The following SLC14A2 variants were observed in gnomAD, a reference collection of about 807,000 sequenced individuals.
The protein encoded by SLC14A2 is urea transporter 2.
Under a neutral mutation model 104.6 loss-of-function variants are expected in SLC14A2, and 91 were observed. The observed-to-expected ratio is 0.87, with a 90% confidence interval of 0.73 to 1.04. SLC14A2 has a LOEUF of 1.04. Among genes scored for constraint, SLC14A2 ranks in the 50% least tolerant of loss-of-function variants. The probability of loss-of-function intolerance (pLI) is 0.00; values close to 1 mark genes in which losing one functional copy is unlikely to be tolerated. For missense variants in SLC14A2, 1,189 were observed against 1,156.0 expected (o/e 1.03, Z -0.41); for synonymous variants, 476 against 466.4 (o/e 1.02, Z -0.27).
At chr18:45,233,521 C>A (rs910347840) in intron 1 of SLC14A2, among the ~76,000 whole-genome samples, 1 of 152,046 alleles carries the variant, frequency 6.6e-6, no homozygotes, top group African/African-American at 2.4e-5. Context: ...TGGTCTTGCC[C>A]GGGCTCCCTC....
At chr18:45,600,569 A>G (rs1331573016) in intron 2 of SLC14A2, among the ~76,000 whole-genome samples, 1 of 152,176 alleles carries the variant, frequency 6.6e-6, no homozygotes, top group Non-Finnish European at 1.5e-5. Flanking sequence ...TGCAAGGTAC[A>G]TGCACTCAAC....
At chr18:45,659,742 C>T (rs927814602) in intron 10 of SLC14A2, among the ~76,000 whole-genome samples, 4 of 152,178 alleles carry the variant, frequency 2.6e-5, no homozygotes, top group Non-Finnish European at 4.4e-5. Context: ...GTCTATCAAA[C>T]ATTTAACATT....
intron 1 of SLC14A2, among the ~76,000 whole-genome samples, chr18:45,392,673 A>T (rs184828992): frequency 1.1e-4 from 16 of 152,344 alleles, no homozygotes; most frequent in Admixed American, 7.2e-4. Context: ...TAGTGCAAAA[A>T]TATGTCATTT....
At chr18:45,496,039 A>G (rs2043091470) in intron 2 of SLC14A2, among the ~76,000 whole-genome samples, 1 of 152,210 alleles carries the variant, frequency 6.6e-6, no homozygotes, top group African/African-American at 2.4e-5. Flanking sequence ...CATGCCTATT[A>G]ATGTGATAAT....
intron 1 of SLC14A2, among the ~76,000 whole-genome samples, chr18:45,352,949 A>T (rs75949803): frequency 2.0e-5 from 3 of 152,202 alleles, no homozygotes; most frequent in African/African-American, 7.2e-5. Context: ...AAATTTATAG[A>T]CAAATAAAAA....
At chr18:45,522,078 A>C (rs1368602381) in intron 2 of SLC14A2, among the ~76,000 whole-genome samples, 1 of 152,208 alleles carries the variant, frequency 6.6e-6, no homozygotes, top group Non-Finnish European at 1.5e-5. Context: ...AGTCTAAGGC[A>C]GTTATGTGCC....
chr18:45,352,254 G>A (rs1039137337), intron 1 of SLC14A2, among the ~76,000 whole-genome samples: 4 of 152,098 alleles, frequency 2.6e-5, no homozygotes, highest in African/African-American at 9.7e-5. Context: ...CCATGGAGAA[G>A]GGGCTTCTGG....
At chr18:45,319,507 A>G (rs1289448978) in intron 1 of SLC14A2, among the ~76,000 whole-genome samples, 1 of 152,198 alleles carries the variant, frequency 6.6e-6, no homozygotes, top group Non-Finnish European at 1.5e-5. Flanking sequence ...TGTGTGCACC[A>G]TCCAGTAGGC....
At chr18:45,650,913 A>AT (rs11430420) in intron 10 of SLC14A2, among the ~76,000 whole-genome samples, 151,899 of 151,918 alleles carry the variant, frequency 1, 75,940 homozygotes, top group Middle Eastern at 1. Flanking sequence ...CTTTTTTTTT[A>AT]TTTTTAGCAA....
intron 2 of SLC14A2, among the ~76,000 whole-genome samples, chr18:45,589,667 G>A (rs1318869014): frequency 1.3e-5 from 2 of 152,174 alleles, no homozygotes; most frequent in African/African-American, 2.4e-5. Context: ...CCGCTGAGCC[G>A]CCTCCAGCTG....
At chr18:45,207,251 G>T in the SLC14A2 span, among the ~76,000 whole-genome samples, 56 of 151,620 alleles carry the variant, frequency 3.7e-4, no homozygotes, top group Admixed American at 2.0e-4. Flanking sequence ...ATTCTTGTTG[G>T]AGGAAAGGGA....
At chr18:45,675,451 G>T (rs61523590) in intron 18 of SLC14A2, among the ~76,000 whole-genome samples, 55,870 of 151,704 alleles carry the variant, frequency 0.37, 12,104 homozygotes, top group East Asian at 0.61. Flanking sequence ...AGTGATGTAC[G>T]TATAGACCAA....
intron 1 of SLC14A2, among the ~76,000 whole-genome samples, chr18:45,237,350 T>C (rs2084265699): frequency 6.6e-6 from 1 of 152,122 alleles, no homozygotes; most frequent in Non-Finnish European, 1.5e-5. Context: ...CCTGGTTACG[T>C]ATAAAGATGA....
chr18:45,372,143 CT>C (rs2085729339), intron 1 of SLC14A2, among the ~76,000 whole-genome samples: 1 of 152,006 alleles, frequency 6.6e-6, no homozygotes, highest in Admixed American at 6.6e-5. Context: ...AAAACTCCAT[CT>C]CTACTAAAAA....
Position 45,638,207 on chromosome 18 carries a change from G to A in SLC14A2, c.843+1025G>A, listed in dbSNP as rs77105092. 4.9e-3 allele frequency among the ~76,000 whole-genome samples: 750 copies of A among 152,208 alleles called. 10 individuals are homozygous for A. The highest frequency in any genetic ancestry group is 0.017 in the African/African-American group (698 of 41,516). ...TCCCAACATTTAAGCTGAGTTCCCT[G>A]GTCTGGTACAAAGTGTTTTCTGGGT... On this transcript the variant is annotated intron_variant, in intron 6 of 19. Transcript: ENST00000255226.
the SLC14A2 span, among the ~76,000 whole-genome samples, chr18:45,178,759 A>G: frequency 6.6e-6 from 1 of 151,316 alleles, no homozygotes; most frequent in South Asian, 2.1e-4. Flanking sequence ...AAACCAAGGC[A>G]CCAAGAGGCA....
At chr18:45,295,251 T>C (rs2084907820) in intron 1 of SLC14A2, among the ~76,000 whole-genome samples, 1 of 152,176 alleles carries the variant, frequency 6.6e-6, no homozygotes, top group Non-Finnish European at 1.5e-5. Context: ...TTCCCCATTG[T>C]CCGTTCACAC....
At chr18:45,314,804 C>G (rs1221448728) in intron 1 of SLC14A2, among the ~76,000 whole-genome samples, 1 of 152,166 alleles carries the variant, frequency 6.6e-6, no homozygotes. Flanking sequence ...ATAAAGCAAC[C>G]ACAAGCTAAG....
intron 1 of SLC14A2, chr18:45,447,219 T>G (rs2086785293): frequency 2.0e-5 from 3 of 152,182 alleles, no homozygotes; most frequent in Non-Finnish European, 2.9e-5. Flanking sequence ...TTTTGCTGGT[T>G]TTAGAAATCA....
Sources: gnomAD v4.1 joint callset for allele counts (sites outside exome capture counted in the v4.1 genomes callset) on GRCh38, gnomAD v4.1.1 for gene constraint, MANE v1.5 for transcripts, NCBI Gene and HGNC (gene_info 2026-07-23, HGNC 2026-07-21) for gene names.